Variants in DPYSL3 observed in about 807,000 individuals in gnomAD.
DPYSL3 encodes dihydropyrimidinase-related protein 3.
DPYSL3 carries 16 observed loss-of-function variants against 66.1 expected under a neutral mutation model. The ratio of observed to expected loss-of-function variants is 0.24; its 90% CI spans 0.16 to 0.37. The LOEUF (loss-of-function observed/expected upper bound fraction) is 0.37, where lower values mean the gene tolerates loss of function less well. Ranked by LOEUF, DPYSL3 falls within the 10% of genes least tolerant of loss-of-function variation. The probability of loss-of-function intolerance (pLI) is 1.00; values close to 1 mark genes in which losing one functional copy is unlikely to be tolerated. For synonymous variants in DPYSL3, 338 were observed against 345.1 expected (o/e 0.98, Z 0.23); for missense variants, 738 against 916.2 (o/e 0.81, Z 2.51).
At chr5:147,402,595 C>T (rs1007931526) in intron 8 of DPYSL3, among the ~76,000 whole-genome samples, 3 of 135,916 alleles carry the variant, frequency 2.2e-5, no homozygotes, top group Non-Finnish European at 4.4e-5. Flanking sequence ...GATCCGCCCG[C>T]CTCGGCCTCC....
chr5:147,506,128 A>G (rs1243318337), intron 1 of DPYSL3, among the ~76,000 whole-genome samples: 1 of 152,242 alleles, frequency 6.6e-6, no homozygotes, highest in Non-Finnish European at 1.5e-5. Flanking sequence ...TATCAAATCA[A>G]CAAATGGTAC....
At chr5:147,493,043 T>A (rs558057183) in intron 1 of DPYSL3, among the ~76,000 whole-genome samples, 2 of 152,318 alleles carry the variant, frequency 1.3e-5, no homozygotes, top group African/African-American at 2.4e-5. Context: ...CAAATAACTA[T>A]ATTAATTTCA....
At chr5:147,466,207 T>C (rs1274831464) in intron 1 of DPYSL3, among the ~76,000 whole-genome samples, 1 of 152,210 alleles carries the variant, frequency 6.6e-6, no homozygotes, top group African/African-American at 2.4e-5. Flanking sequence ...TTGCTTCCTC[T>C]TCCTTTACAT....
At chr5:147,433,090 C>T (rs1429325922) in intron 1 of DPYSL3, among the ~76,000 whole-genome samples, 1 of 152,074 alleles carries the variant, frequency 6.6e-6, no homozygotes, top group African/African-American at 2.4e-5. Flanking sequence ...TATGTGATTC[C>T]ATGTTATTTA....
At chr5:147,400,506 T>C (rs1758138753) in intron 10 of DPYSL3, among the ~76,000 whole-genome samples, 186 bp downstream of exon 10, 1 of 152,216 alleles carries the variant, frequency 6.6e-6, no homozygotes, top group African/African-American at 2.4e-5. Context: ...TGCTAGGCCT[T>C]AGGATTCATC....
At chr5:147,454,502 A>C (rs779291088) in intron 1 of DPYSL3, among the ~76,000 whole-genome samples, 4 of 152,232 alleles carry the variant, frequency 2.6e-5, no homozygotes, top group Non-Finnish European at 5.9e-5. Flanking sequence ...AAAAATATCC[A>C]AGTAGTATCT....
intron 1 of DPYSL3, among the ~76,000 whole-genome samples, chr5:147,451,144 C>T (rs964160221): frequency 1.3e-5 from 2 of 152,084 alleles, no homozygotes; most frequent in Non-Finnish European, 2.9e-5. Context: ...AATGCAAAAA[C>T]GAAGCATGAG....
rs980530559 is a variant in DPYSL3, at chr5:147,392,682, C to A, written c.*1353G>T. ...CTGACAGACAAGGTAGATCGAAGCACCCACACTAATTTCTTTCAGGTGCCC... is the reference window on the plus strand; with the variant it reads ...CTGACAGACAAGGTAGATCGAAGCAACCACACTAATTTCTTTCAGGTGCCC... On this transcript the variant is annotated 3_prime_UTR_variant, in exon 14 of 14. Coordinates refer to ENST00000343218, the MANE Select transcript of DPYSL3 (RefSeq NM_001197294.2). 2 of 152,170 alleles carry A rather than the reference C, an allele frequency of 1.3e-5. No individual in the cohort carries two copies. The highest frequency in any genetic ancestry group is 6.5e-5 in the Admixed American group (1 of 15,280). The allele number at this position is 152,170 out of a possible 1,614,324, so 9.4% of individuals were successfully genotyped here. A position where few individuals can be genotyped will look rare whatever the true frequency, so the allele number is the denominator to read the frequency against.
chr5:147,480,452 G>T (rs756574978), intron 1 of DPYSL3, among the ~76,000 whole-genome samples: 2 of 152,040 alleles, frequency 1.3e-5, no homozygotes, highest in Admixed American at 6.6e-5. Flanking sequence ...TCGACTCTCT[G>T]TATCAAATCC....
At chr5:147,495,341 A>G (rs1283327056) in intron 1 of DPYSL3, among the ~76,000 whole-genome samples, 1 of 152,194 alleles carries the variant, frequency 6.6e-6, no homozygotes, top group African/African-American at 2.4e-5. Context: ...CTGACACAAG[A>G]CAGGGATGCC....
At chr5:147,476,561 A>C (rs966253001) in intron 1 of DPYSL3, among the ~76,000 whole-genome samples, 2 of 152,182 alleles carry the variant, frequency 1.3e-5, no homozygotes, top group Non-Finnish European at 2.9e-5. Flanking sequence ...AAAAGAGATG[A>C]ACCCCTTTGG....
chr5:147,395,219 G>A (rs1356313368), intron 13 of DPYSL3, among the ~76,000 whole-genome samples: 1 of 152,202 alleles, frequency 6.6e-6, no homozygotes, highest in Admixed American at 6.5e-5. Context: ...AACATACTAT[G>A]TTGCATAGCG....
chr5:147,482,883 A>G (rs1164091753), intron 1 of DPYSL3, among the ~76,000 whole-genome samples: 1 of 152,186 alleles, frequency 6.6e-6, no homozygotes, highest in African/African-American at 2.4e-5. Context: ...AGAAGAAGCA[A>G]TTACCTTCTT....
At chr5:147,477,561 C>CTTTTTTT (rs56406515) in intron 1 of DPYSL3, among the ~76,000 whole-genome samples, 6 of 64,760 alleles carry the variant, frequency 9.3e-5, no homozygotes, top group East Asian at 4.5e-4. Context: ...ACACCTAAAT[C>CTTTTTTT]TTTTTTTTTT....
chr5:147,427,759 T>G (rs1752223697), intron 1 of DPYSL3, among the ~76,000 whole-genome samples: 1 of 152,156 alleles, frequency 6.6e-6, no homozygotes, highest in South Asian at 2.1e-4. Flanking sequence ...GTTCTATGTG[T>G]GTCCAGGAAG....
At chr5:147,396,884 T>G (rs1363178703) in intron 12 of DPYSL3, among the ~76,000 whole-genome samples, 3 of 139,640 alleles carry the variant, frequency 2.1e-5, no homozygotes, top group Admixed American at 7.4e-5. Context: ...TATATATATA[T>G]AGTGTGTGTA....
rs560937308 is a variant in DPYSL3, at chr5:147,495,434, A to G, written c.381+14044T>C. ...AGGAGAAGGAAATAAAGGGCATTCA[A>G]TTAGGAAAAGAGGAAGTCAAATTGT... On this transcript the variant is annotated intron_variant, in intron 1 of 13. Transcript: ENST00000343218. Among the ~76,000 whole-genome samples, 14 of 152,342 alleles carry G rather than the reference A, an allele frequency of 9.2e-5. No homozygotes were observed. In the South Asian group the frequency reaches 2.5e-3, roughly 27 times the overall value.
chr5:147,428,987 G>A (rs1313163661), intron 1 of DPYSL3, among the ~76,000 whole-genome samples: 1 of 152,170 alleles, frequency 6.6e-6, no homozygotes, highest in Non-Finnish European at 1.5e-5. Flanking sequence ...AGTTCCCTCA[G>A]TGATGAATAT....
intron 1 of DPYSL3, among the ~76,000 whole-genome samples, chr5:147,440,839 TAGAAC>T (rs1181110786): frequency 1.3e-5 from 2 of 152,162 alleles, no homozygotes; most frequent in Non-Finnish European, 2.9e-5. Flanking sequence ...TAAAAGGAGA[TAGAAC>T]AGTACAGTAA....
Sources: allele counts gnomAD v4.1 joint callset (sites outside exome capture counted in the v4.1 genomes callset), GRCh38; gene constraint gnomAD v4.1.1; transcripts MANE v1.5; gene names NCBI Gene and HGNC (gene_info 2026-07-23, HGNC 2026-07-21).